PATE3: variants seen among roughly 807,000 people sequenced by gnomAD.
The protein encoded by PATE3 is prostate and testis expressed protein 3.
PATE3 carries 7 observed loss-of-function variants against 7.4 expected under a neutral mutation model. The ratio of observed to expected loss-of-function variants is 0.95; its 90% CI spans 0.54 to 1.78. The LOEUF is 1.78. Among genes scored for constraint, PATE3 ranks in the 40% most tolerant of loss-of-function variants. The pLI is 0.00. For synonymous variants in PATE3, 38 were observed against 40.2 expected, an observed-to-expected ratio of 0.94 and a Z score of 0.21; for missense variants, 117 against 122.5, an observed-to-expected ratio of 0.96 and a Z score of 0.21.
At chr11:125,788,496 C>G (rs1203480376) in intron 1 of PATE3, among the ~76,000 whole-genome samples, 1 of 152,168 alleles carries the variant, frequency 6.6e-6, no homozygotes, top group Non-Finnish European at 1.5e-5. Flanking sequence ...CTTAGGACAT[C>G]CTTTTTATTT....
At position 125,789,428 on chromosome 11, in the gene PATE3, GGACA is replaced by G; in HGVS notation, c.96_99del (p.Asp33AlafsTer20). ...TGCATAACATGCCACCTTCGCACAC[GGACA>G]GACCGCTGTAGAAGAGGCTTTGGTG... On this transcript the variant is annotated frameshift_variant, in exon 2 of 3. Coordinates refer to ENST00000445202, the MANE Select transcript of PATE3 (RefSeq NM_001129883.4). LOFTEE classifies it high-confidence loss of function. The G allele has an allele frequency of 6.4e-7, 1 of 1,551,592 alleles. No individual in the cohort carries two copies. Among genetic ancestry groups the G allele is most frequent in the South Asian group, 1.2e-5 (1 of 84,060 alleles).
At chr11:125,788,539 G>T (rs776746809) in intron 1 of PATE3, among the ~76,000 whole-genome samples, 5 of 152,102 alleles carry the variant, frequency 3.3e-5, no homozygotes, top group Admixed American at 2.0e-4. Context: ...GATGGAGCTG[G>T]TCAGTCTATA....
At chr11:125,789,064 C>G (rs1368184538) in intron 1 of PATE3, among the ~76,000 whole-genome samples, 1 of 152,142 alleles carries the variant, frequency 6.6e-6, no homozygotes, top group Non-Finnish European at 1.5e-5. Flanking sequence ...ACCCATATCT[C>G]TAGTAGGCCA....
Position 125,790,402 on chromosome 11 carries a change from G to C in PATE3, c.173-76G>C, listed in dbSNP as rs934340740. The C allele has an allele frequency of 2.8e-6, 4 of 1,409,312 alleles. No homozygotes were observed. In the Admixed American group the frequency reaches 9.1e-5, roughly 32 times the overall value. The allele number at this position is 1,409,312 out of a possible 1,614,324, so 87.3% of individuals were successfully genotyped here. A position where few individuals can be genotyped will look rare whatever the true frequency, so the allele number is the denominator to read the frequency against. On this transcript the variant is annotated intron_variant, in intron 2 of 2. Transcript: ENST00000445202. The stretch of plus-strand genomic sequence containing the variant: ...TACCCTAATTAAATTTTCACCAACA[G>C]AACTAGTGCTGGGTTTGACTCACCT...
At chr11:125,788,278 T>A in intron 1 of PATE3, 78 bp downstream of exon 1, 1 of 1,373,308 alleles carries the variant, frequency 7.3e-7, no homozygotes, top group Admixed American at 2.1e-5. Flanking sequence ...GTAGCATGCA[T>A]CCATGCAGGG....
chr11:125,790,360 G>C, intron 2 of PATE3, 118 bp from the exon 3 acceptor site: 4 of 1,012,706 alleles, frequency 3.9e-6, no homozygotes, highest in Non-Finnish European at 5.6e-6. Context: ...TATAAGCTGG[G>C]AAGCCATTCC....
intron 1 of PATE3, among the ~76,000 whole-genome samples, chr11:125,788,519 C>A (rs1489115905): frequency 2.0e-5 from 3 of 152,202 alleles, no homozygotes; most frequent in Non-Finnish European, 4.4e-5. Flanking sequence ...AAACCTATAT[C>A]CCATTTGTTG....
intron 1 of PATE3, among the ~76,000 whole-genome samples, chr11:125,788,844 T>C (rs959138884): frequency 1.3e-5 from 2 of 152,146 alleles, no homozygotes; most frequent in African/African-American, 4.8e-5. Context: ...TCCTTTCTCA[T>C]TCAGGTGCAC....
chr11:125,788,127 C>T lies in PATE3; in HGVS notation c.-25C>T. On this transcript the variant is annotated 5_prime_UTR_variant, in exon 1 of 3. Coordinates refer to ENST00000445202, the MANE Select transcript of PATE3 (RefSeq NM_001129883.4). ...GCTTGCAGCCCCTAGCTTCTTTTTC[C>T]TGCACAAGGGATTTCCGGGTCAGGA... 2 of 1,550,392 alleles carry T rather than the reference C, an allele frequency of 1.3e-6. No homozygotes were observed. Among genetic ancestry groups the T allele is most frequent in the African/African-American group, 2.7e-5 (2 of 73,078 alleles).
chr11:125,788,238 G>T, intron 1 of PATE3, 38 bp downstream of exon 1: 1 of 1,528,058 alleles, frequency 6.5e-7, no homozygotes, highest in Non-Finnish European at 8.9e-7. Context: ...TGAGAGACAG[G>T]ATCTAGGGAG....
At position 125,789,398 on chromosome 11, in the gene PATE3, T is replaced by C. The variant is rs1246099119; in HGVS notation, c.62T>C (p.Leu21Pro). ...ATGCTCTCTCCAGCAGTGACATCAC[T>C]TCAGTGCATAACATGCCACCTTCGC... ...LYCLIVAVTS[L>P]QCITCHLRTR... The change falls in exon 2 of 3, where the codon CTT (leucine) becomes CCT (proline). Residue 21 changes from leucine (L) to proline (P), a missense_variant. Leu to Pro is a moderately conservative substitution (Grantham distance 98). Transcript: ENST00000445202. 2 of 1,551,486 alleles carry C rather than the reference T, an allele frequency of 1.3e-6. No individual in the cohort carries two copies. The highest frequency in any genetic ancestry group is 1.7e-6 in the Non-Finnish European group (2 of 1,146,790).
chr11:125,791,200 G>T lies in PATE3; in HGVS notation c.*598G>T, dbSNP rs953181098. 1 of 150,942 alleles carries T rather than the reference G, an allele frequency of 6.6e-6. No homozygotes were observed. The highest frequency in any genetic ancestry group is 2.4e-5 in the African/African-American group (1 of 40,962). The allele number at this position is 150,942 out of a possible 1,614,324, so 9.4% of individuals were successfully genotyped here. The stretch of plus-strand genomic sequence containing the variant: ...TCCCGGCCTCTGTGACATTCACCGA[G>T]CTCTCACACAGCCACTGCTACTCCT... On this transcript the variant is annotated 3_prime_UTR_variant, in exon 3 of 3. Transcript: ENST00000445202.
intron 2 of PATE3, among the ~76,000 whole-genome samples, chr11:125,789,843 A>G (rs1943594694): frequency 6.6e-6 from 1 of 152,212 alleles, no homozygotes; most frequent in Admixed American, 6.5e-5. Context: ...TCATCACCTC[A>G]AACATTTATC....
intron 1 of PATE3, among the ~76,000 whole-genome samples, chr11:125,789,184 T>C (rs1385888932): frequency 6.6e-6 from 1 of 152,166 alleles, no homozygotes; most frequent in African/African-American, 2.4e-5. Context: ...GTCAGAATCC[T>C]TTGGTGACAT....
At chr11:125,789,241 G>C in intron 1 of PATE3, 145 bp from the exon 2 acceptor site, 1 of 748,740 alleles carries the variant, frequency 1.3e-6, no homozygotes, top group Non-Finnish European at 2.1e-6. Flanking sequence ...AGCTCCAACT[G>C]TTTACCGCCT....
At chr11:125,789,580 A>G in intron 2 of PATE3, 72 bp downstream of exon 2, 2 of 1,482,722 alleles carry the variant, frequency 1.3e-6, no homozygotes, top group Non-Finnish European at 1.8e-6. Context: ...GCAATTTCAC[A>G]TCTCAAGAGA....
In PATE3 at chr11:125,790,587, TAACTTTA is replaced by T; in HGVS notation, c.287_293del (p.Phe96SerfsTer34). The T allele has an allele frequency of 6.4e-7, 1 of 1,551,378 alleles. No homozygotes were observed. Among genetic ancestry groups the T allele is most frequent in the Non-Finnish European group, 8.7e-7 (1 of 1,146,818 alleles). ...ATACATGCTGCAACTACAATTACTG[TAACTTTA>T]AACTCTAAGATATTTGCCCTCCTGA... On this transcript the variant is annotated frameshift_variant, in exon 3 of 3. Coordinates refer to ENST00000445202, the MANE Select transcript of PATE3 (RefSeq NM_001129883.4). LOFTEE classifies it high-confidence loss of function.
rs1015835684 is a variant in PATE3 at position 125,789,276 on chromosome 11, A to G, written c.50-110A>G. 5.2e-6 allele frequency: 6 copies of G among 1,159,314 alleles called. No homozygotes were observed. In the African/African-American group the frequency reaches 9.3e-5, roughly 18 times the overall value. The allele number at this position is 1,159,314 out of a possible 1,614,324, so 71.8% of individuals were successfully genotyped here. On this transcript the variant is annotated intron_variant, in intron 1 of 2. Coordinates refer to ENST00000445202, the MANE Select transcript of PATE3 (RefSeq NM_001129883.4). ...TAAATACCCCAACCAGTAGCTCTTC[A>G]TCTGCCTGCCCCCTCCACTATTCAT...
In PATE3 at chr11:125,789,481, G is replaced by A; in HGVS notation, c.145G>A (p.Ala49Thr). The A allele has an allele frequency of 1.9e-6, 3 of 1,551,570 alleles. No homozygotes were observed. Among genetic ancestry groups the A allele is most frequent in the Non-Finnish European group, 2.6e-6 (3 of 1,146,896 alleles). ...FGVCTAQKGEACMLLRIYQRN... is the reference protein window; with the variant it reads ...FGVCTAQKGETCMLLRIYQRN... The stretch of plus-strand genomic sequence containing the variant: ...TGTCTGTACTGCTCAGAAGGGCGAG[G>A]CATGCATGCTCTTAAGGATTTACCA... Residue 49 changes from alanine (A) to threonine (T), a missense_variant, in exon 2 of 3, where the codon GCA becomes ACA. Ala to Thr is a moderately conservative substitution (Grantham distance 58). Coordinates refer to ENST00000445202, the MANE Select transcript of PATE3 (RefSeq NM_001129883.4).
Sources: gnomAD v4.1 joint callset for allele counts (sites outside exome capture counted in the v4.1 genomes callset) on GRCh38, gnomAD v4.1.1 for gene constraint, MANE v1.5 for transcripts, NCBI Gene and HGNC (gene_info 2026-07-23, HGNC 2026-07-21) for gene names.